EVC: variants seen among roughly 807,000 people sequenced by gnomAD.
EVC encodes EvC ciliary complex subunit 1, also known as evC complex member EVC.
EVC carries 116 observed loss-of-function variants against 118.9 expected under a neutral mutation model. The observed-to-expected ratio is 0.98, with a 90% CI of 0.84 to 1.14. The LOEUF (loss-of-function observed/expected upper bound fraction) is 1.14. Among genes scored for constraint, EVC ranks in the 50% most tolerant of loss-of-function variants. The pLI, the probability that EVC is intolerant of heterozygous loss-of-function variation, is 0.00. For synonymous variants in EVC, 619 were observed against 534.7 expected, an observed-to-expected ratio of 1.16 and a Z score of -2.18; for missense variants, 1,401 against 1,246.4, an observed-to-expected ratio of 1.12 and a Z score of -1.87.
At chr4:5,741,370 A>G (rs1728542885) in intron 5 of EVC, among the ~76,000 whole-genome samples, 1 of 152,366 alleles carries the variant, frequency 6.6e-6, no homozygotes, top group East Asian at 1.9e-4. Context: ...TTCTTCAAAG[A>G]AGCAAACCCT....
chr4:5,753,693 C>T (rs1292509225), intron 9 of EVC, 92 bp from the exon 10 acceptor site: 10 of 1,560,788 alleles, frequency 6.4e-6, no homozygotes, highest in East Asian at 2.2e-5. Flanking sequence ...CACCAGCTTC[C>T]CCAACCTCCA....
chr4:5,824,714 T>G, the EVC span: 6 of 985,148 alleles, frequency 6.1e-6, no homozygotes, highest in African/African-American at 1.0e-4. Context: ...CTAAAGTATT[T>G]ACTATCCGGC....
chr4:5,786,896 A>G (rs922704681), intron 12 of EVC, among the ~76,000 whole-genome samples: 1 of 150,646 alleles, frequency 6.6e-6, no homozygotes, highest in Non-Finnish European at 1.5e-5. Context: ...AAAAATTAAC[A>G]CACGATAGTT....
chr4:5,725,663 T>C (rs1725693250), intron 2 of EVC, among the ~76,000 whole-genome samples: 1 of 152,226 alleles, frequency 6.6e-6, no homozygotes, highest in Admixed American at 6.5e-5. Context: ...TCTCCCCTTC[T>C]GTAGATTGTC....
intron 1 of EVC, among the ~76,000 whole-genome samples, chr4:5,718,661 T>G (rs1215859132): frequency 6.6e-6 from 1 of 152,236 alleles, no homozygotes; most frequent in Non-Finnish European, 1.5e-5. Context: ...TGCATGTATT[T>G]GTGAATAACT....
chr4:5,825,615 A>C, the EVC span: 2 of 1,606,348 alleles, frequency 1.2e-6, no homozygotes, highest in Non-Finnish European at 1.7e-6. The surrounding 1 kb of genome is among the most constrained non-coding windows in gnomAD (Gnocchi z 4.4). Flanking sequence ...CCTCGTACAC[A>C]GGACCGTCAT....
rs1714403171 is a variant in EVC at position 5,798,598 on chromosome 4, C to T, written c.2110C>T (p.Leu704=). 2 of 1,569,856 alleles carry T rather than the reference C, an allele frequency of 1.3e-6. No homozygotes were observed. Among genetic ancestry groups the T allele is most frequent in the South Asian group, 1.2e-5 (1 of 85,274 alleles). ...QLLRALEARV[L]EEASRLEEEA... ...CTTTCCCTCCCAGGAGGCGCGTGTG[C>T]TGGAGGAGGCCAGCCGGCTAGAGGA... is the stretch of plus-strand genomic sequence containing the variant. Residue 704 remains leucine (L), a synonymous_variant, in exon 15 of 21, where the codon CTG becomes TTG. Transcript: ENST00000264956. This position sits in a 1 kb window ranked among gnomAD's most constrained non-coding sequence, Gnocchi z 4.1.
At position 5,731,545 on chromosome 4, in the gene EVC, A is replaced by G. The variant is rs1281612038; in HGVS notation, c.505A>G (p.Lys169Glu). ...SSLGSLSQGE[K>E]DDCSSSSSVH... ...TCTGGGGAGCCTGAGCCAGGGTGAG[A>G]AGGACGACTGCAGCTCCTCATCCAG... is the stretch of plus-strand genomic sequence containing the variant. Residue 169 changes from lysine (K) to glutamate (E), a missense_variant, in exon 4 of 21, where the codon AAG (lysine) becomes GAG (glutamate). By Grantham distance (56) the Lys-to-Glu change is moderately conservative. Transcript: ENST00000264956. The surrounding 1 kb of genome is among the most constrained non-coding windows in gnomAD (Gnocchi z 5.6). The G allele has an allele frequency of 1.9e-6, 3 of 1,613,906 alleles. No homozygotes were observed. The highest frequency in any genetic ancestry group is 1.7e-6 in the Non-Finnish European group (2 of 1,180,006).
At chr4:5,819,584 C>A in the EVC span, among the ~76,000 whole-genome samples, 77 of 152,284 alleles carry the variant, frequency 5.1e-4, no homozygotes, top group African/African-American at 1.8e-3. Context: ...CAGGCAAGCA[C>A]CCCGTCAGAG....
chr4:5,775,665 T>C (rs1177026129), intron 11 of EVC, among the ~76,000 whole-genome samples: 4 of 152,184 alleles, frequency 2.6e-5, no homozygotes, highest in Non-Finnish European at 5.9e-5. Context: ...TACACTGCCA[T>C]ACATTTACCC....
intron 12 of EVC, among the ~76,000 whole-genome samples, chr4:5,784,606 A>ATTTTT (rs35237111): frequency 9.0e-6 from 1 of 111,216 alleles, no homozygotes; most frequent in Non-Finnish European, 1.8e-5. Flanking sequence ...ATACACATTG[A>ATTTTT]TTTTTTTTTT....
intron 6 of EVC, among the ~76,000 whole-genome samples, chr4:5,744,217 G>A (rs1454169011): frequency 6.6e-6 from 1 of 152,120 alleles, no homozygotes; most frequent in Non-Finnish European, 1.5e-5. Context: ...GGGCATCTTT[G>A]GACAAACTAT....
intron 2 of EVC, among the ~76,000 whole-genome samples, chr4:5,720,897 G>A (rs916130139): frequency 6.6e-5 from 10 of 152,030 alleles, no homozygotes; most frequent in African/African-American, 2.4e-4. Flanking sequence ...CTTTACAGCA[G>A]GGTAAAAAGA....
At chr4:5,772,358 C>T (rs1481411225) in intron 11 of EVC, among the ~76,000 whole-genome samples, 1 of 132,468 alleles carries the variant, frequency 7.5e-6, no homozygotes, top group Non-Finnish European at 1.7e-5. Context: ...AGAGAAGAGT[C>T]GTTCAAGAAG....
At position 5,738,871 on chromosome 4, in the gene EVC, AC is replaced by A. The variant is rs1183383156; in HGVS notation, c.703-2844del. On this transcript the variant is annotated intron_variant, in intron 5 of 20. Transcript: ENST00000264956. This position sits in a 1 kb window ranked among gnomAD's most constrained non-coding sequence, Gnocchi z 6.5. ...GTGAGCCACCGCACCCAGCCCAACA[AC>A]TTTTTTTTAATAATCATCTTAGGCT... Among the ~76,000 whole-genome samples the A allele has an allele frequency of 1.3e-5, 2 of 152,000 alleles. No individual in the cohort carries two copies. Among genetic ancestry groups the A allele is most frequent in the African/African-American group, 2.4e-5 (1 of 41,372 alleles).
At chr4:5,810,172 C>G (rs951980330) in intron 19 of EVC, among the ~76,000 whole-genome samples, 167 bp from the exon 20 acceptor site, 1 of 152,200 alleles carries the variant, frequency 6.6e-6, no homozygotes, top group Non-Finnish European at 1.5e-5. Context: ...CTTCCCAGGC[C>G]TCAGTTTCCT....
At chr4:5,767,901 C>T (rs1436492864) in intron 11 of EVC, among the ~76,000 whole-genome samples, 1 of 152,192 alleles carries the variant, frequency 6.6e-6, no homozygotes, top group African/African-American at 2.4e-5. Context: ...CGGAGCTGTT[C>T]CTATTCGGCC....
chr4:5,714,917 G>A (rs945805539), intron 1 of EVC, among the ~76,000 whole-genome samples: 18 of 151,876 alleles, frequency 1.2e-4, no homozygotes, highest in South Asian at 6.3e-4. Context: ...TGATCCTCCC[G>A]CCTCAGCCTC....
Position 5,811,235 on chromosome 4 carries a change from G to A in EVC, c.*198G>A, listed in dbSNP as rs181401771. 399 of 575,314 alleles carry A rather than the reference G, an allele frequency of 6.9e-4. No homozygotes were observed. The highest frequency in any genetic ancestry group is 1.1e-3 in the Non-Finnish European group (349 of 321,048). The allele number at this position is 575,314 out of a possible 1,614,324, so 35.6% of individuals were successfully genotyped here. On this transcript the variant is annotated 3_prime_UTR_variant, in exon 21 of 21. Coordinates refer to ENST00000264956, the MANE Select transcript of EVC (RefSeq NM_153717.3). The stretch of plus-strand genomic sequence containing the variant: ...TCACCTGAGAAAATTAGGCATTCCC[G>A]TCTTGGAAACACGTCTCTGTGAGTT...
Sources: allele counts gnomAD v4.1 joint callset (sites outside exome capture counted in the v4.1 genomes callset), GRCh38; gene constraint gnomAD v4.1.1; non-coding constraint Gnocchi (gnomAD v3.1); transcripts MANE v1.5; gene names NCBI Gene and HGNC (gene_info 2026-07-23, HGNC 2026-07-21).